Variants in PERP observed in about 807,000 individuals in gnomAD.
PERP encodes the protein p53 apoptosis effector related to PMP22.
A neutral mutation model predicts 20.3 loss-of-function variants in PERP; 11 were observed. The ratio of observed to expected loss-of-function variants is 0.54; its 90% confidence interval spans 0.34 to 0.90. PERP has a LOEUF of 0.90. PERP is among the 40% of genes least tolerant of loss of function. The pLI is 0.02. For synonymous variants in PERP, 101 were observed against 102.0 expected (o/e 0.99, Z 0.06); for missense variants, 224 against 249.4 (o/e 0.90, Z 0.69).
chr6:138,095,682 T>A (rs1045184030), intron 2 of PERP, among the ~76,000 whole-genome samples: 1 of 152,228 alleles, frequency 6.6e-6, no homozygotes, highest in Admixed American at 6.5e-5. Flanking sequence ...CCTGCCCCTT[T>A]GACAGATTTC....
rs1424546163 is a variant in PERP, at chr6:138,091,351, A to G, written c.*691T>C. On this transcript the variant is annotated 3_prime_UTR_variant, in exon 3 of 3. Transcript: ENST00000421351. Reference sequence around the variant, plus strand: ...CACCCTAACCCTATAAAGAACTTTAAAAGAGAAAATTTCATCTAAATATTT... The same window carrying G: ...CACCCTAACCCTATAAAGAACTTTAGAAGAGAAAATTTCATCTAAATATTT... 2 of 152,250 alleles carry G rather than the reference A, an allele frequency of 1.3e-5. No individual in the cohort carries two copies. The highest frequency in any genetic ancestry group is 4.8e-5 in the African/African-American group (2 of 41,460). 9.4% of individuals were successfully genotyped at this position (152,250 alleles called of 1,614,324 possible).
intron 1 of PERP, among the ~76,000 whole-genome samples, chr6:138,103,587 T>G (rs1175202284): frequency 6.6e-6 from 1 of 152,144 alleles, no homozygotes; most frequent in Non-Finnish European, 1.5e-5. Flanking sequence ...GAAGAAAATT[T>G]TCCTTGGTTT....
At position 138,107,381 on chromosome 6, in the gene PERP, G is replaced by GGAGCC. The variant is rs767911533; in HGVS notation, c.-42_-41insGGCTC. The GGAGCC allele has an allele frequency of 1.4e-5, 20 of 1,433,608 alleles. No individual in the cohort carries two copies. The South Asian group carries it at 2.5e-4, about 18-fold the overall frequency. 88.8% of individuals were successfully genotyped at this position (1,433,608 alleles called of 1,614,324 possible). A position where few individuals can be genotyped will look rare whatever the true frequency, so the allele number is the denominator to read the frequency against. ...GGGGCCGAGCGGAGCGGAGCGGAGCGGGTCGGAGGAGCGCGCGGGACGGGC... is the reference window on the plus strand; with the variant it reads ...GGGGCCGAGCGGAGCGGAGCGGAGCGGAGCCGGTCGGAGGAGCGCGCGGGACGGGC... On this transcript the variant is annotated 5_prime_UTR_variant, in exon 1 of 3. Coordinates refer to ENST00000421351, the MANE Select transcript of PERP (RefSeq NM_022121.5). The surrounding 1 kb of genome is among the most constrained non-coding windows in gnomAD (Gnocchi z 4.8).
Position 138,089,670 on chromosome 6 carries a change from G to A in PERP, c.*2372C>T, listed in dbSNP as rs1775546393. ...TCTTCATTACTCTCCAGAATCCTCT[G>A]GAACTTCCCTTCTGTTATGACATAA... On this transcript the variant is annotated 3_prime_UTR_variant, in exon 3 of 3. Transcript: ENST00000421351. 1 of 152,134 alleles carries A rather than the reference G, an allele frequency of 6.6e-6. No homozygotes were observed. The highest frequency in any genetic ancestry group is 6.5e-5 in the Admixed American group (1 of 15,270). The allele number at this position is 152,134 out of a possible 1,614,324, so 9.4% of individuals were successfully genotyped here. A position where few individuals can be genotyped will look rare whatever the true frequency, so the allele number is the denominator to read the frequency against.
intron 1 of PERP, among the ~76,000 whole-genome samples, chr6:138,104,006 G>C (rs1466797408): frequency 6.6e-6 from 1 of 152,170 alleles, no homozygotes; most frequent in African/African-American, 2.4e-5. Flanking sequence ...GCAAATGCTC[G>C]TCAATCCTCA....
chr6:138,090,375 G>A lies in PERP; in HGVS notation c.*1667C>T, dbSNP rs1465862106. 1 of 152,162 alleles carries A rather than the reference G, an allele frequency of 6.6e-6. No individual in the cohort carries two copies. Among genetic ancestry groups the A allele is most frequent in the African/African-American group, 2.4e-5 (1 of 41,398 alleles). 9.4% of individuals were successfully genotyped at this position (152,162 alleles called of 1,614,324 possible). ...AAAATAACAAATGATAAAATGGGAA[G>A]GAGGGCAAGGGGAAAATAGAGAGAC... On this transcript the variant is annotated 3_prime_UTR_variant, in exon 3 of 3. Coordinates refer to ENST00000421351, the MANE Select transcript of PERP (RefSeq NM_022121.5).
chr6:138,099,717 C>T (rs1391008217), intron 1 of PERP, among the ~76,000 whole-genome samples: 2 of 152,138 alleles, frequency 1.3e-5, no homozygotes, highest in African/African-American at 4.8e-5. Context: ...ATTATACTTC[C>T]TCTAACATTA....
chr6:138,100,222 T>A (rs1030163809), intron 1 of PERP, among the ~76,000 whole-genome samples: 2 of 152,200 alleles, frequency 1.3e-5, no homozygotes, highest in Non-Finnish European at 2.9e-5. Context: ...AGGACATGGG[T>A]ATTCTCGATG....
In PERP at chr6:138,107,199, A is replaced by G; in HGVS notation, c.142T>C (p.Trp48Arg). The change falls in exon 1 of 3, where the codon TGG (tryptophan) becomes CGG (arginine). Residue 48 changes from tryptophan (W) to arginine (R), a missense_variant. Coordinates refer to ENST00000421351, the MANE Select transcript of PERP (RefSeq NM_022121.5). This position sits in a 1 kb window ranked among gnomAD's most constrained non-coding sequence, Gnocchi z 4.8. ...SSDHGQTSSLWWKCSQEGGGS... is the reference protein window; with the variant it reads ...SSDHGQTSSLRWKCSQEGGGS... ...CCGCCCTCTTGGGAGCATTTCCACC[A>G]CAGCGAGGACGTCTGGCCGTGGTCG... The G allele has an allele frequency of 6.2e-7, 1 of 1,612,260 alleles. No homozygotes were observed. The highest frequency in any genetic ancestry group is 8.5e-7 in the Non-Finnish European group (1 of 1,179,590).
chr6:138,107,211 T>G lies in PERP; in HGVS notation c.130A>C (p.Thr44Pro), dbSNP rs1377640448. The change falls in exon 1 of 3, where the codon ACG becomes CCG. Residue 44 changes from threonine (T) to proline (P), a missense_variant. Coordinates refer to ENST00000421351, the MANE Select transcript of PERP (RefSeq NM_022121.5). This position sits in a 1 kb window ranked among gnomAD's most constrained non-coding sequence, Gnocchi z 4.8. ...GWLQSSDHGQ[T>P]SSLWWKCSQE... ...GAGCATTTCCACCACAGCGAGGACG[T>G]CTGGCCGTGGTCGCTAGACTGCAAC... 6.2e-7 allele frequency: 1 copy of G among 1,612,326 alleles called. No individual in the cohort carries two copies. Among genetic ancestry groups the G allele is most frequent in the Non-Finnish European group, 8.5e-7 (1 of 1,179,696 alleles).
chr6:138,096,468 G>A lies in PERP; in HGVS notation c.241C>T (p.Leu81Phe), dbSNP rs776489661. Residue 81 changes from leucine to phenylalanine, a missense_variant, in exon 2 of 3, where the codon CTC becomes TTC. Transcript: ENST00000421351. ...YAWGRAAAAM[L>F]FCGFIILVIC... The stretch of plus-strand genomic sequence containing the variant: ...ACCAGGATGATGAAGCCACAGAAGA[G>A]CATGGCAGCCGCTGCTCTACCCCAC... 11 of 1,613,444 alleles carry A rather than the reference G, an allele frequency of 6.8e-6. No homozygotes were observed. The highest frequency in any genetic ancestry group is 8.5e-6 in the Non-Finnish European group (10 of 1,179,798).
chr6:138,096,353 C>A lies in PERP; in HGVS notation c.355+1G>T. ...GAAGAATTGCTGACACACAGTCTTACCAGCCAAGGCAAGGAGACCTCCAAT... is the reference window on the plus strand; with the variant it reads ...GAAGAATTGCTGACACACAGTCTTAACAGCCAAGGCAAGGAGACCTCCAAT... On this transcript the variant is annotated splice_donor_variant, in intron 2 of 2. Transcript: ENST00000421351. LOFTEE classifies it high-confidence loss of function. The A allele has an allele frequency of 6.2e-7, 1 of 1,613,788 alleles. No homozygotes were observed.
chr6:138,097,005 TAAATA>T (rs2114335639), intron 1 of PERP, among the ~76,000 whole-genome samples: 1 of 150,924 alleles, frequency 6.6e-6, no homozygotes, highest in South Asian at 2.2e-4. Context: ...GCAGAGGTGT[TAAATA>T]AAACAATTTA....
rs112272698 is a variant in PERP, at chr6:138,096,008, C to CCAGGGCTG, written c.355+338_355+345dup. ...CCCTCAGCAGGGGGCTCACAGCAGGCCAGGGCTGGGGACCACAACGGAGAG... is the reference window on the plus strand; with the variant it reads ...CCCTCAGCAGGGGGCTCACAGCAGGCCAGGGCTGCAGGGCTGGGGACCACAACGGAGAG... On this transcript the variant is annotated intron_variant, in intron 2 of 2. Coordinates refer to ENST00000421351, the MANE Select transcript of PERP (RefSeq NM_022121.5). Among the ~76,000 whole-genome samples the CCAGGGCTG allele has an allele frequency of 9.2e-3, 1,398 of 152,256 alleles. 21 individuals carry two copies. The highest frequency in any genetic ancestry group is 0.031 in the African/African-American group (1,294 of 41,554).
chr6:138,091,688 A>C lies in PERP; in HGVS notation c.*354T>G. On this transcript the variant is annotated 3_prime_UTR_variant, in exon 3 of 3. Transcript: ENST00000421351. The stretch of plus-strand genomic sequence containing the variant: ...GTCCATTCTATTTGGAAATAACAAG[A>C]ACTTGATCAGATTATTAAATCTTGG... 1 of 179,176 alleles carries C rather than the reference A, an allele frequency of 5.6e-6. No homozygotes were observed. Among genetic ancestry groups the C allele is most frequent in the South Asian group, 1.4e-4 (1 of 7,370 alleles). The allele number at this position is 179,176 out of a possible 1,614,324, so 11.1% of individuals were successfully genotyped here.
At chr6:138,100,799 A>G (rs1775759702) in intron 1 of PERP, among the ~76,000 whole-genome samples, 1 of 152,202 alleles carries the variant, frequency 6.6e-6, no homozygotes, top group African/African-American at 2.4e-5. Context: ...AACCAGCAGC[A>G]TTATAAATCC....
intron 1 of PERP, among the ~76,000 whole-genome samples, chr6:138,100,569 T>TGTGTGTGTGTAA (rs1394846923): frequency 6.6e-5 from 10 of 152,074 alleles, no homozygotes; most frequent in African/African-American, 2.4e-4. Context: ...TGTGTGTGTG[T>TGTGTGTGTGTAA]GTGTGTAAGT....
At chr6:138,102,034 C>G (rs1018501535) in intron 1 of PERP, among the ~76,000 whole-genome samples, 1 of 152,030 alleles carries the variant, frequency 6.6e-6, no homozygotes. Context: ...CAGTCCCCCC[C>G]AAAAAATACA....
chr6:138,092,602 A>G (rs1775607444), intron 2 of PERP, among the ~76,000 whole-genome samples: 1 of 152,250 alleles, frequency 6.6e-6, no homozygotes, highest in Admixed American at 6.5e-5. Context: ...AGAAAGCAGG[A>G]CAGTAAAGAA....
Sources: gnomAD v4.1 joint callset for allele counts (sites outside exome capture counted in the v4.1 genomes callset) on GRCh38, gnomAD v4.1.1 for gene constraint, Gnocchi (gnomAD v3.1) non-coding constraint, MANE v1.5 for transcripts, NCBI Gene and HGNC (gene_info 2026-07-23, HGNC 2026-07-21) for gene names.